The following CACNA1E variants were observed in gnomAD, a reference collection of about 807,000 sequenced individuals.
CACNA1E encodes the protein voltage-dependent R-type calcium channel subunit alpha-1E.
Under a neutral mutation model 259.2 loss-of-function variants are expected in CACNA1E, and 40 were observed. That is an observed-to-expected ratio of 0.15 (90% CI 0.12 to 0.20). CACNA1E has a LOEUF of 0.20. Among genes scored for constraint, CACNA1E ranks in the 10% least tolerant of loss-of-function variants. CACNA1E has a pLI of 1.00. For missense variants in CACNA1E, 1,874 were observed against 3,040.1 expected (o/e 0.62, Z 9.02); for synonymous variants, 1,104 against 1,138.5 (o/e 0.97, Z 0.61).
At chr1:181,748,432 G>A (rs982673978) in intron 25 of CACNA1E, among the ~76,000 whole-genome samples, 3 of 152,262 alleles carry the variant, frequency 2.0e-5, no homozygotes, top group African/African-American at 7.2e-5. Context: ...TGTGTGGGAG[G>A]AGCAGGAAAT....
chr1:181,433,500 T>C (rs1659854115), intron 2 of CACNA1E, among the ~76,000 whole-genome samples: 1 of 152,184 alleles, frequency 6.6e-6, no homozygotes, highest in Non-Finnish European at 1.5e-5. Flanking sequence ...TGTAACAATA[T>C]ACATTTTTTT....
intron 33 of CACNA1E, 22 bp downstream of exon 33, chr1:181,762,679 T>C: frequency 4.2e-6 from 6 of 1,444,578 alleles, no homozygotes; most frequent in Non-Finnish European, 5.8e-6. Flanking sequence ...ATAAGATCCA[T>C]GTCTGTAAGC....
In CACNA1E at chr1:181,732,743, G is replaced by A. The variant is rs1421156404; in HGVS notation, c.2657G>A (p.Arg886Lys). The A allele has an allele frequency of 6.4e-7, 1 of 1,561,282 alleles. No individual in the cohort carries two copies. The highest frequency in any genetic ancestry group is 8.7e-7 in the Non-Finnish European group (1 of 1,154,096). Residue 886 changes from arginine to lysine, a missense_variant, in exon 20 of 48, where the codon AGG becomes AAG. This residue lies in a region of CACNA1E where 476 missense variants were observed against 514.0 expected (regional missense o/e 0.93). Transcript: ENST00000367573. The surrounding 1 kb of genome is among the most constrained non-coding windows in gnomAD (Gnocchi z 5.5). ...CAGCGGGAGCCACCATGGCTGGCCA[G>A]GCCCTGTCATGGAAACTGTGACCCG... ...LGQREPPWLA[R>K]PCHGNCDPTQ...
intron 7 of CACNA1E, among the ~76,000 whole-genome samples, chr1:181,660,162 G>A (rs1017617927): frequency 6.6e-6 from 1 of 152,234 alleles, no homozygotes; most frequent in Non-Finnish European, 1.5e-5. Flanking sequence ...CCATAGTAGA[G>A]GAGGAATTCT....
intron 18 of CACNA1E, among the ~76,000 whole-genome samples, chr1:181,727,481 C>G (rs1179920794): frequency 6.6e-6 from 1 of 152,190 alleles, no homozygotes; most frequent in African/African-American, 2.4e-5. Context: ...TTTTCGTGGC[C>G]AGGTTGGAAC....
chr1:181,454,767 C>T (rs913302888), intron 2 of CACNA1E, among the ~76,000 whole-genome samples: 2 of 152,196 alleles, frequency 1.3e-5, no homozygotes, highest in South Asian at 2.1e-4. Context: ...GTATTTTCCT[C>T]CTCTGACCTG....
At position 181,804,157 on chromosome 1, in the gene CACNA1E, TTTGTTTGGGG is replaced by T. The variant is rs1474924745; in HGVS notation, c.*5332_*5341del. 6.6e-6 allele frequency: 1 copy of T among 152,202 alleles called. No individual in the cohort carries two copies. Among genetic ancestry groups the T allele is most frequent in the African/African-American group, 2.4e-5 (1 of 41,452 alleles). The allele number at this position is 152,202 out of a possible 1,614,324, so 9.4% of individuals were successfully genotyped here. On this transcript the variant is annotated 3_prime_UTR_variant, in exon 48 of 48. Transcript: ENST00000367573. ...GTGTGGGGATTTATGTTTATTTTTATTTGTTTGGGGTTGTTTGGTTGGTGGCTGGGTTTCT... is the reference window on the plus strand; with the variant it reads ...GTGTGGGGATTTATGTTTATTTTTATTTGTTTGGTTGGTGGCTGGGTTTCT...
chr1:181,550,122 G>A (rs1005229595), intron 3 of CACNA1E, among the ~76,000 whole-genome samples: 13 of 152,124 alleles, frequency 8.5e-5, no homozygotes, highest in African/African-American at 3.1e-4. Context: ...ATATACTGAG[G>A]GCTGTGACCT....
At chr1:181,652,832 A>G (rs60693565) in intron 7 of CACNA1E, among the ~76,000 whole-genome samples, 11,637 of 152,162 alleles carry the variant, frequency 0.076, 750 homozygotes, top group African/African-American at 0.17. Context: ...AGAAGCTTGG[A>G]ATTGTACCAT....
At chr1:181,731,783 G>A (rs947383647) in intron 19 of CACNA1E, among the ~76,000 whole-genome samples, 1 of 152,024 alleles carries the variant, frequency 6.6e-6, no homozygotes, top group Non-Finnish European at 1.5e-5. Context: ...GGTGGTCTCT[G>A]CACTTAGCCT....
At chr1:181,550,266 G>A (rs530286651) in intron 3 of CACNA1E, among the ~76,000 whole-genome samples, 122 of 152,166 alleles carry the variant, frequency 8.0e-4, no homozygotes, top group Admixed American at 3.2e-3. Context: ...CACCCTGGAT[G>A]AGGAGCAGTC....
At chr1:181,547,699 A>T (rs1393269068) in intron 3 of CACNA1E, among the ~76,000 whole-genome samples, 1 of 152,252 alleles carries the variant, frequency 6.6e-6, no homozygotes, top group Non-Finnish European at 1.5e-5. Context: ...ATGCAGTGGG[A>T]GTAAATAACA....
At chr1:181,577,986 C>T (rs760153619) in intron 4 of CACNA1E, 117 bp downstream of exon 4, 32 of 616,214 alleles carry the variant, frequency 5.2e-5, no homozygotes, top group Non-Finnish European at 9.0e-5. Flanking sequence ...GAGGAAGCCT[C>T]AGTGGTAATA....
At chr1:181,491,891 A>G (rs1664346888) in intron 1 of CACNA1E, among the ~76,000 whole-genome samples, 1 of 152,222 alleles carries the variant, frequency 6.6e-6, no homozygotes, top group South Asian at 2.1e-4. Context: ...GTTAACAAGC[A>G]TCAACAAAGT....
intron 2 of CACNA1E, among the ~76,000 whole-genome samples, chr1:181,431,720 A>T (rs1659733332): frequency 1.3e-5 from 2 of 152,198 alleles, no homozygotes; most frequent in Non-Finnish European, 2.9e-5. Flanking sequence ...AGGATTCTTT[A>T]GTACAAGGAT....
intron 2 of CACNA1E, among the ~76,000 whole-genome samples, chr1:181,464,071 T>C (rs1344405886): frequency 3.9e-5 from 6 of 152,164 alleles, no homozygotes; most frequent in Non-Finnish European, 8.8e-5. Context: ...GCAATTCTTA[T>C]CTGCTGTTTC....
intron 7 of CACNA1E, among the ~76,000 whole-genome samples, chr1:181,699,405 T>C (rs999793039): frequency 3.3e-5 from 5 of 152,146 alleles, no homozygotes; most frequent in African/African-American, 1.2e-4. Context: ...AATGGGGCCA[T>C]TAATTTTAAT....
rs1469974336 is a variant in CACNA1E at position 181,807,224 on chromosome 1, G to A, written c.*8390G>A. ...ACTCATTCCCTGAAAGAGAAAAACA[G>A]ATTTTCTAATCAGGACATTGTCCTG... On this transcript the variant is annotated 3_prime_UTR_variant, in exon 48 of 48. Transcript: ENST00000367573. 6.6e-6 allele frequency: 1 copy of A among 151,580 alleles called. No homozygotes were observed. The highest frequency in any genetic ancestry group is 1.5e-5 in the Non-Finnish European group (1 of 67,956). The allele number at this position is 151,580 out of a possible 1,614,324, so 9.4% of individuals were successfully genotyped here.
intron 45 of CACNA1E, 42 bp downstream of exon 45, chr1:181,793,835 T>C (rs769026862): frequency 6.3e-7 from 1 of 1,592,182 alleles, no homozygotes; most frequent in South Asian, 1.1e-5. Context: ...GCATCCGGGC[T>C]GTATTAGCTG....
Sources: gnomAD v4.1 joint callset for allele counts (sites outside exome capture counted in the v4.1 genomes callset) on GRCh38, gnomAD v4.1.1 for gene constraint, gnomAD v4.1.1 regional missense constraint, Gnocchi (gnomAD v3.1) non-coding constraint, MANE v1.5 for transcripts, NCBI Gene and HGNC (gene_info 2026-07-23, HGNC 2026-07-21) for gene names.